Variants in PTPRT observed in about 807,000 individuals in gnomAD.
PTPRT encodes the protein receptor-type tyrosine-protein phosphatase T.
Under a neutral mutation model 176.8 loss-of-function variants are expected in PTPRT, and 56 were observed. That is an observed-to-expected ratio of 0.32 (90% CI 0.26 to 0.40). The LOEUF is 0.40. PTPRT is among the 10% of genes least tolerant of loss of function. The probability of loss-of-function intolerance (pLI) is 1.00; values close to 1 mark genes in which losing one functional copy is unlikely to be tolerated. For missense variants in PTPRT, 1,540 were observed against 1,908.2 expected (o/e 0.81, Z 3.60); for synonymous variants, 783 against 739.0 (o/e 1.06, Z -0.96).
chr20:42,510,052 A>G (rs1264837814), intron 7 of PTPRT, among the ~76,000 whole-genome samples: 1 of 152,154 alleles, frequency 6.6e-6, no homozygotes, highest in Non-Finnish European at 1.5e-5. Context: ...GAATCTGAGA[A>G]GGAAAAATAC....
chr20:42,467,877 G>A (rs2071126675), intron 8 of PTPRT, among the ~76,000 whole-genome samples: 1 of 152,140 alleles, frequency 6.6e-6, no homozygotes. Flanking sequence ...AGGAGTACAG[G>A]AGCCACTGTA....
intron 1 of PTPRT, among the ~76,000 whole-genome samples, chr20:43,025,951 T>A (rs1985891036): frequency 6.6e-6 from 1 of 152,138 alleles, no homozygotes; most frequent in African/African-American, 2.4e-5. Flanking sequence ...AGCAGGTGTC[T>A]GACTGGAAGA....
chr20:43,125,203 T>C (rs1158453122), intron 1 of PTPRT, among the ~76,000 whole-genome samples: 1 of 151,678 alleles, frequency 6.6e-6, no homozygotes, highest in Non-Finnish European at 1.5e-5. Context: ...TTTCATCATG[T>C]TGGTCAGGCT....
intron 7 of PTPRT, among the ~76,000 whole-genome samples, chr20:42,589,235 G>A (rs1414365439): frequency 6.6e-6 from 1 of 152,112 alleles, no homozygotes; most frequent in African/African-American, 2.4e-5. Flanking sequence ...TGGAGGTGGG[G>A]GAGTTCTCTC....
intron 1 of PTPRT, among the ~76,000 whole-genome samples, chr20:43,169,470 G>T: frequency 6.6e-6 from 1 of 152,134 alleles, no homozygotes; most frequent in East Asian, 1.9e-4. Flanking sequence ...TTTCATCACT[G>T]CTTTTTACAT....
At chr20:42,366,934 G>T (rs2058522746) in intron 9 of PTPRT, among the ~76,000 whole-genome samples, 1 of 152,224 alleles carries the variant, frequency 6.6e-6, no homozygotes, top group Admixed American at 6.5e-5. Flanking sequence ...AAAGAAAGTG[G>T]CTTTGAGACG....
intron 2 of PTPRT, among the ~76,000 whole-genome samples, chr20:42,853,705 G>A (rs1340676037): frequency 2.6e-5 from 4 of 152,154 alleles, no homozygotes; most frequent in Admixed American, 2.0e-4. Context: ...CACCCTCACA[G>A]GCACACCCAA....
intron 1 of PTPRT, among the ~76,000 whole-genome samples, chr20:43,005,543 C>A (rs1021665936): frequency 6.6e-6 from 1 of 152,180 alleles, no homozygotes; most frequent in Non-Finnish European, 1.5e-5. Flanking sequence ...GCACTTCCCA[C>A]AATCTGGGGG....
At chr20:42,439,979 T>C (rs1401207607) in intron 9 of PTPRT, among the ~76,000 whole-genome samples, 1 of 152,208 alleles carries the variant, frequency 6.6e-6, no homozygotes, top group African/African-American at 2.4e-5. Context: ...TGATCTCAAC[T>C]CACTGCAACC....
At position 42,135,437 on chromosome 20, in the gene PTPRT, CTCACTGAA is replaced by C. The variant is rs571176222; in HGVS notation, c.2770+6470_2770+6477del. ...GGAAATTCTTGGGCCCCAGCCCAGA[CTCACTGAA>C]TCAGAAACTGTGGGGTGGGGCCCAT... On this transcript the variant is annotated intron_variant, in intron 18 of 30. Coordinates refer to ENST00000373187, the MANE Select transcript of PTPRT (RefSeq NM_007050.6). 7.9e-5 allele frequency among the ~76,000 whole-genome samples: 12 copies of C among 152,382 alleles called. No homozygotes were observed. In the South Asian group the frequency reaches 2.3e-3, roughly 29 times the overall value.
At chr20:42,285,781 G>A (rs1330112385) in intron 12 of PTPRT, among the ~76,000 whole-genome samples, 3 of 135,880 alleles carry the variant, frequency 2.2e-5, no homozygotes, top group African/African-American at 5.3e-5. Flanking sequence ...TTATGTATAC[G>A]AAAAACCAAA....
chr20:42,741,993 A>G (rs2076617958), intron 6 of PTPRT, among the ~76,000 whole-genome samples: 1 of 152,192 alleles, frequency 6.6e-6, no homozygotes, highest in South Asian at 2.1e-4. Context: ...TAACTATATT[A>G]CCCTAACTTG....
At chr20:42,248,994 G>T (rs887853838) in intron 13 of PTPRT, among the ~76,000 whole-genome samples, 172 bp from the exon 14 acceptor site, 9 of 152,228 alleles carry the variant, frequency 5.9e-5, no homozygotes, top group African/African-American at 2.2e-4. Context: ...CCAATTCCTT[G>T]TGAGGTTGGG....
At chr20:42,741,338 G>A (rs939790969) in intron 6 of PTPRT, among the ~76,000 whole-genome samples, 1 of 152,060 alleles carries the variant, frequency 6.6e-6, no homozygotes, top group Non-Finnish European at 1.5e-5. Flanking sequence ...ATATCCATGA[G>A]CTGTCTTTTC....
In PTPRT at chr20:42,316,114, A is replaced by G. The variant is rs1600824823; in HGVS notation, c.1866-118T>C. ...TGGAAGCATTGGTTCGGTCTACAAC[A>G]AAACTCCAGTCCTGAGCATCAGATT... On this transcript the variant is annotated intron_variant, in intron 11 of 30. Transcript: ENST00000373187. 49 of 1,143,212 alleles carry G rather than the reference A, an allele frequency of 4.3e-5. No individual in the cohort carries two copies. In the South Asian group the frequency reaches 7.1e-4, roughly 16 times the overall value. 70.8% of individuals were successfully genotyped at this position (1,143,212 alleles called of 1,614,324 possible).
chr20:42,609,746 G>A (rs34183234), intron 7 of PTPRT, among the ~76,000 whole-genome samples: 17,112 of 152,234 alleles, frequency 0.11, 1,235 homozygotes, highest in Middle Eastern at 0.17. Context: ...GCTGTCTAGG[G>A]AGGCTGTAGG....
chr20:42,236,229 A>AAGT lies in PTPRT; in HGVS notation c.2339_2341dup (p.Tyr780dup). 1 of 1,601,906 alleles carries AAGT rather than the reference A, an allele frequency of 6.2e-7. No homozygotes were observed. The highest frequency in any genetic ancestry group is 8.5e-7 in the Non-Finnish European group (1 of 1,169,808). On this transcript the variant is annotated inframe_insertion and splice_region_variant, in exon 15 of 31. Transcript: ENST00000373187. ...AAGTTAACACCAGCTCGATACTTAC[A>AAGT]AGTAATAGGAGTAGGAATAAGCATT... is the stretch of plus-strand genomic sequence containing the variant.
chr20:42,607,280 C>T (rs2073895841), intron 7 of PTPRT: 1 of 152,048 alleles, frequency 6.6e-6, no homozygotes, highest in Non-Finnish European at 1.5e-5. Flanking sequence ...GAAGGTTGCA[C>T]ATTATCAATG....
At chr20:42,316,408 G>T (rs1033627988) in intron 11 of PTPRT, among the ~76,000 whole-genome samples, 1 of 152,126 alleles carries the variant, frequency 6.6e-6, no homozygotes, top group Non-Finnish European at 1.5e-5. Context: ...GCTTCTGCAG[G>T]TTTGCATCTG....
Sources: allele counts gnomAD v4.1 joint callset (sites outside exome capture counted in the v4.1 genomes callset), GRCh38; gene constraint gnomAD v4.1.1; transcripts MANE v1.5; gene names NCBI Gene and HGNC (gene_info 2026-07-23, HGNC 2026-07-21).